GRM1: variants seen among roughly 807,000 people sequenced by gnomAD.
GRM1 encodes the protein glutamate metabotropic receptor 1.
Under a neutral mutation model 90.9 loss-of-function variants are expected in GRM1, and 33 were observed. That is an observed-to-expected ratio of 0.36 (90% CI 0.28 to 0.49). The LOEUF (loss-of-function observed/expected upper bound fraction) is 0.49, where lower values mean the gene tolerates loss of function less well. Ranked by LOEUF, GRM1 falls within the 20% of genes least tolerant of loss-of-function variation. GRM1 has a pLI of 0.99. For synonymous variants in GRM1, 700 were observed against 613.2 expected (o/e 1.14, Z -2.09); for missense variants, 1,190 against 1,534.3 (o/e 0.78, Z 3.75).
At chr6:146,228,166 GAGGATTGATTTTGATCAGT>G (rs2114695723) in intron 2 of GRM1, among the ~76,000 whole-genome samples, 1 of 152,280 alleles carries the variant, frequency 6.6e-6, no homozygotes, top group South Asian at 2.1e-4. Flanking sequence ...AGTTGCTGAA[GAGGATTGATTTTGATCAGT>G]GTTTTAGTCT....
At chr6:146,159,916 T>TAAAAAAAAAAAAAAAAAA (rs566531460) in intron 2 of GRM1, 2 of 65,876 alleles carry the variant, frequency 3.0e-5, no homozygotes, top group Admixed American at 3.3e-4. Flanking sequence ...ACCTTAACTA[T>TAAAAAAAAAAAAAAAAAA]AAAAAAAAAA....
rs762925008 is a variant in GRM1 at position 146,434,288 on chromosome 6, A to C, written c.3077A>C (p.Gln1026Pro). ...CAGCAGCAGCAGCAACCCCCTCCAC[A>C]GCAGAAATCGCTGATGGACCAGCTC... ...PLQQQQQPPP[Q>P]QKSLMDQLQG... is the part of the protein sequence containing the mutation. The change falls in exon 8 of 8, where the codon CAG becomes CCG. Residue 1026 changes from glutamine to proline, a missense_variant. Transcript: ENST00000282753. The C allele has an allele frequency of 6.2e-7, 1 of 1,603,230 alleles. No homozygotes were observed. The highest frequency in any genetic ancestry group is 2.2e-5 in the East Asian group (1 of 44,618).
chr6:146,221,206 T>C (rs1780048742), intron 2 of GRM1, among the ~76,000 whole-genome samples: 1 of 152,182 alleles, frequency 6.6e-6, no homozygotes. Context: ...TTTTTAAAAA[T>C]TATACTTTAA....
At chr6:146,201,011 G>A (rs191053710) in intron 2 of GRM1, among the ~76,000 whole-genome samples, 1 of 152,258 alleles carries the variant, frequency 6.6e-6, no homozygotes, top group Admixed American at 6.5e-5. Context: ...AGACATGGTG[G>A]TGGTTCTGTG....
intron 1 of GRM1, among the ~76,000 whole-genome samples, chr6:146,048,109 T>G (rs1451641532): frequency 6.6e-6 from 1 of 152,014 alleles, no homozygotes; most frequent in Non-Finnish European, 1.5e-5. Context: ...GGTAAAGCAC[T>G]CCATACAGCG....
chr6:146,257,520 A>G (rs1186980072), intron 2 of GRM1, among the ~76,000 whole-genome samples: 3 of 120,514 alleles, frequency 2.5e-5, no homozygotes, highest in African/African-American at 9.9e-5. Context: ...ATGTGTGTAT[A>G]TATATATATA....
chr6:146,047,150 G>T (rs573054886), intron 1 of GRM1, among the ~76,000 whole-genome samples: 1 of 152,062 alleles, frequency 6.6e-6, no homozygotes, highest in Non-Finnish European at 1.5e-5. Flanking sequence ...ATGTCAGAGT[G>T]CTGAGAATGT....
intron 3 of GRM1, among the ~76,000 whole-genome samples, chr6:146,331,537 A>G (rs1005267999): frequency 2.0e-5 from 3 of 152,190 alleles, no homozygotes; most frequent in African/African-American, 7.2e-5. Flanking sequence ...TAATAAATTT[A>G]TAAACCTGTC....
chr6:146,184,546 G>A (rs1230758677), intron 2 of GRM1, among the ~76,000 whole-genome samples: 1 of 151,872 alleles, frequency 6.6e-6, no homozygotes, highest in Non-Finnish European at 1.5e-5. Context: ...ACACTAAAAT[G>A]CCGGCATGAA....
chr6:146,311,163 A>G (rs948907807), intron 3 of GRM1, among the ~76,000 whole-genome samples: 1 of 152,188 alleles, frequency 6.6e-6, no homozygotes, highest in African/African-American at 2.4e-5. Context: ...AAAAAGTTTT[A>G]TAGATCCTGC....
intron 7 of GRM1, among the ~76,000 whole-genome samples, chr6:146,425,895 A>T (rs6570764): frequency 6.6e-6 from 1 of 151,906 alleles, no homozygotes; most frequent in Non-Finnish European, 1.5e-5. Context: ...ATGTCTAGCT[A>T]GTTCTCTTCT....
chr6:146,316,104 G>C (rs1414679921), intron 3 of GRM1, among the ~76,000 whole-genome samples: 1 of 152,152 alleles, frequency 6.6e-6, no homozygotes, highest in African/African-American at 2.4e-5. Context: ...TCTCCCTGGG[G>C]TAACATTAGA....
intron 1 of GRM1, among the ~76,000 whole-genome samples, chr6:146,153,280 T>C (rs1363839820): frequency 6.6e-6 from 1 of 152,208 alleles, no homozygotes; most frequent in African/African-American, 2.4e-5. Flanking sequence ...AATAGAATGT[T>C]AAGCTCAATG....
intron 1 of GRM1, among the ~76,000 whole-genome samples, chr6:146,081,656 G>A (rs1776367752): frequency 6.6e-6 from 1 of 152,124 alleles, no homozygotes; most frequent in Non-Finnish European, 1.5e-5. Context: ...TTACCTGGAA[G>A]CACTTTTTCA....
intron 2 of GRM1, among the ~76,000 whole-genome samples, chr6:146,260,647 C>A (rs1328739261): frequency 6.6e-6 from 1 of 151,836 alleles, no homozygotes; most frequent in Non-Finnish European, 1.5e-5. Flanking sequence ...TTAATAGTAG[C>A]CATCCTAAAA....
chr6:146,045,174 T>C (rs1372942775), intron 1 of GRM1, among the ~76,000 whole-genome samples: 1 of 151,992 alleles, frequency 6.6e-6, no homozygotes, highest in Admixed American at 6.6e-5. Context: ...GATTCTCACA[T>C]AGGCAGAAAA....
chr6:146,341,710 A>G (rs1156977870), intron 3 of GRM1, among the ~76,000 whole-genome samples: 3 of 152,214 alleles, frequency 2.0e-5, no homozygotes, highest in Non-Finnish European at 1.5e-5. Flanking sequence ...TAAACTCCGT[A>G]TGTTCCTCAA....
At chr6:146,181,265 C>A (rs1432653517) in intron 2 of GRM1, among the ~76,000 whole-genome samples, 3 of 151,264 alleles carry the variant, frequency 2.0e-5, no homozygotes, top group Non-Finnish European at 2.9e-5. Context: ...AAAACCACAA[C>A]AAAAATCCAC....
At position 146,434,040 on chromosome 6, in the gene GRM1, C is replaced by T; in HGVS notation, c.2829C>T (p.Ser943=). 1 of 1,614,170 alleles carries T rather than the reference C, an allele frequency of 6.2e-7. No individual in the cohort carries two copies. Among genetic ancestry groups the T allele is most frequent in the Non-Finnish European group, 8.5e-7 (1 of 1,180,032 alleles). Residue 943 remains serine, a synonymous_variant, in exon 8 of 8, where the codon AGC becomes AGT. Coordinates refer to ENST00000282753, the MANE Select transcript of GRM1 (RefSeq NM_001278064.2). ...LTKSYQGSGK[S]LTFSDTSTKT... ...AAAGTTACCAAGGCTCTGGCAAGAG[C>T]CTGACCTTTTCAGATACCAGCACCA...
Sources: allele counts gnomAD v4.1 joint callset (sites outside exome capture counted in the v4.1 genomes callset), GRCh38; gene constraint gnomAD v4.1.1; transcripts MANE v1.5; gene names NCBI Gene and HGNC (gene_info 2026-07-23, HGNC 2026-07-21).